The following SLC35F1 variants were observed in gnomAD, a reference collection of about 807,000 sequenced individuals.
The protein encoded by SLC35F1 is chromosome 6 open reading frame 169.
Under a neutral mutation model 48.7 loss-of-function variants are expected in SLC35F1, and 14 were observed. The ratio of observed to expected loss-of-function variants is 0.29; its 90% CI spans 0.19 to 0.45. The LOEUF is 0.45. Among genes scored for constraint, SLC35F1 ranks in the 20% least tolerant of loss-of-function variants. The probability of loss-of-function intolerance (pLI) is 1.00; values close to 1 mark genes in which losing one functional copy is unlikely to be tolerated. For synonymous variants in SLC35F1, 190 were observed against 202.2 expected, an observed-to-expected ratio of 0.94 and a Z score of 0.51; for missense variants, 404 against 500.0, an observed-to-expected ratio of 0.81 and a Z score of 1.83.
chr6:118,297,698 T>C (rs992036346), intron 7 of SLC35F1, among the ~76,000 whole-genome samples: 1 of 142,940 alleles, frequency 7.0e-6, no homozygotes, highest in Non-Finnish European at 1.5e-5. Context: ...ATATTATATA[T>C]ATAAGTTCTG....
chr6:118,161,539 T>C (rs1040410967), intron 2 of SLC35F1, among the ~76,000 whole-genome samples: 1 of 152,204 alleles, frequency 6.6e-6, no homozygotes, highest in Admixed American at 6.5e-5. Context: ...CTTACCTAAG[T>C]CTGGTGAGGT....
At chr6:118,311,216 A>T (rs1582783265) in intron 7 of SLC35F1, among the ~76,000 whole-genome samples, 1 of 152,316 alleles carries the variant, frequency 6.6e-6, no homozygotes, top group South Asian at 2.1e-4. Context: ...ATGATTGTAG[A>T]TTCATACTAT....
At chr6:118,227,087 C>T (rs1471977439) in intron 2 of SLC35F1, among the ~76,000 whole-genome samples, 1 of 152,320 alleles carries the variant, frequency 6.6e-6, no homozygotes, top group East Asian at 1.9e-4. Flanking sequence ...TGCCTTCCCT[C>T]ATGGTGCACT....
intron 1 of SLC35F1, among the ~76,000 whole-genome samples, chr6:118,138,093 G>A (rs1773823847): frequency 6.6e-6 from 1 of 152,070 alleles, no homozygotes; most frequent in South Asian, 2.1e-4. Context: ...AGGATCACCT[G>A]AGGCAGGAGG....
At position 117,995,692 on chromosome 6, in the gene SLC35F1, G is replaced by C. The variant is rs560524091; in HGVS notation, c.173+87793G>C. On this transcript the variant is annotated intron_variant, in intron 1 of 7. Coordinates refer to ENST00000360388, the MANE Select transcript of SLC35F1 (RefSeq NM_001029858.4). ...GGAGCTGGAAGTTGCAGTGAGCCTA[G>C]ATTGCACCACTGCACTCCAGCCTGG... is the stretch of plus-strand genomic sequence containing the variant. Among the ~76,000 whole-genome samples the C allele has an allele frequency of 1.1e-4, 16 of 152,090 alleles. No homozygotes were observed. In the South Asian group the frequency reaches 3.3e-3, roughly 32 times the overall value.
intron 2 of SLC35F1, among the ~76,000 whole-genome samples, chr6:118,231,050 G>A (rs1562333033): frequency 6.6e-6 from 1 of 152,060 alleles, no homozygotes; most frequent in Non-Finnish European, 1.5e-5. Context: ...AGGAGGGATG[G>A]AAATGAAATC....
chr6:117,979,679 C>G (rs1254530561), intron 1 of SLC35F1, among the ~76,000 whole-genome samples: 3 of 152,140 alleles, frequency 2.0e-5, no homozygotes, highest in Non-Finnish European at 2.9e-5. Context: ...ATAATTATGT[C>G]TTTCTTTTCT....
chr6:118,130,246 C>A (rs988287811), intron 1 of SLC35F1, among the ~76,000 whole-genome samples: 1 of 152,078 alleles, frequency 6.6e-6, no homozygotes, highest in Non-Finnish European at 1.5e-5. Flanking sequence ...TATGTAAATG[C>A]CTGTCACATG....
chr6:117,925,034 C>T (rs1180613786), intron 1 of SLC35F1, among the ~76,000 whole-genome samples: 2 of 152,116 alleles, frequency 1.3e-5, no homozygotes, highest in Non-Finnish European at 2.9e-5. Flanking sequence ...TCAGAAGCCA[C>T]CTGAGAAAGA....
chr6:117,968,176 T>C (rs1397365390), intron 1 of SLC35F1, among the ~76,000 whole-genome samples: 3 of 152,176 alleles, frequency 2.0e-5, no homozygotes, highest in African/African-American at 7.2e-5. Context: ...TTTATCCTCC[T>C]TCTAGACCAT....
chr6:118,283,834 C>A (rs1311265587), intron 6 of SLC35F1, among the ~76,000 whole-genome samples: 1 of 152,070 alleles, frequency 6.6e-6, no homozygotes, highest in African/African-American at 2.4e-5. Context: ...TGCAGAAAAA[C>A]GGTCCGTTTT....
chr6:118,008,158 C>A (rs1282835747), intron 1 of SLC35F1, among the ~76,000 whole-genome samples: 3 of 151,938 alleles, frequency 2.0e-5, no homozygotes, highest in Non-Finnish European at 4.4e-5. Context: ...ATGTATATCC[C>A]AATTACCCTG....
intron 2 of SLC35F1, among the ~76,000 whole-genome samples, chr6:118,220,412 A>G (rs972391183): frequency 6.6e-6 from 1 of 152,136 alleles, no homozygotes; most frequent in Non-Finnish European, 1.5e-5. Flanking sequence ...CGTAGAACAG[A>G]TATCAAATTT....
At chr6:118,053,504 T>C (rs1772419916) in intron 1 of SLC35F1, among the ~76,000 whole-genome samples, 2 of 152,196 alleles carry the variant, frequency 1.3e-5, no homozygotes, top group South Asian at 4.1e-4. Context: ...AAACCCTCCC[T>C]AATCCTATTA....
At chr6:118,245,206 C>CA (rs1308202941) in intron 3 of SLC35F1, among the ~76,000 whole-genome samples, 1 of 152,200 alleles carries the variant, frequency 6.6e-6, no homozygotes, top group Non-Finnish European at 1.5e-5. Context: ...TTCTTCCAAA[C>CA]ACCCTCCACC....
At chr6:118,097,030 T>C (rs1773186696) in intron 1 of SLC35F1, among the ~76,000 whole-genome samples, 1 of 152,236 alleles carries the variant, frequency 6.6e-6, no homozygotes, top group African/African-American at 2.4e-5. Context: ...GGTTCTTAAC[T>C]GGCCTCTCTT....
chr6:118,065,821 CA>C, intron 1 of SLC35F1, among the ~76,000 whole-genome samples: 1 of 152,220 alleles, frequency 6.6e-6, no homozygotes, highest in Admixed American at 6.5e-5. Flanking sequence ...CTCATTTTTG[CA>C]TAATTTTTAA....
rs76651445 is a variant in SLC35F1, at chr6:118,193,932, A to T, written c.349+39312A>T. 9.4e-3 allele frequency among the ~76,000 whole-genome samples: 1,431 copies of T among 152,354 alleles called. 25 individuals carry two copies. Among genetic ancestry groups the T allele is most frequent in the African/African-American group, 0.033 (1,378 of 41,594 alleles). ...ATGTCTTTATTTTAAATTATCTTTA[A>T]AACTTTTTATTTCTCAAAGATTACA... On this transcript the variant is annotated intron_variant, in intron 2 of 7. Transcript: ENST00000360388.
Position 118,253,923 on chromosome 6 carries a change from G to A in SLC35F1, c.478-13072G>A, listed in dbSNP as rs530174397. 4.8e-4 allele frequency among the ~76,000 whole-genome samples: 73 copies of A among 152,070 alleles called. No individual in the cohort carries two copies. The South Asian group carries it at 8.3e-3, about 17-fold the overall frequency. On this transcript the variant is annotated intron_variant, in intron 3 of 7. Coordinates refer to ENST00000360388, the MANE Select transcript of SLC35F1 (RefSeq NM_001029858.4). ...GAAAAGATAAATAGCTACAGAGCCA[G>A]TGGGCATCGAGAATAAGACCAGGAC...
Sources: allele counts gnomAD v4.1 joint callset (sites outside exome capture counted in the v4.1 genomes callset), GRCh38; gene constraint gnomAD v4.1.1; transcripts MANE v1.5; gene names NCBI Gene and HGNC (gene_info 2026-07-23, HGNC 2026-07-21).